The following ALKBH4 variants were observed in gnomAD, a reference collection of about 807,000 sequenced individuals.
ALKBH4 encodes the protein alkB homolog 4, lysine demethylase, also known as alpha-ketoglutarate-dependent dioxygenase alkB homolog 4.
ALKBH4 carries 8 observed loss-of-function variants against 12.1 expected under a neutral mutation model. That is an observed-to-expected ratio of 0.66 (90% CI 0.39 to 1.19). The LOEUF is 1.19. Ranked by LOEUF, ALKBH4 falls within the 50% of genes most tolerant of loss-of-function variation. The probability of loss-of-function intolerance (pLI) is 0.01; values close to 1 mark genes in which losing one functional copy is unlikely to be tolerated. For synonymous variants in ALKBH4, 195 were observed against 191.6 expected (o/e 1.02, Z -0.15); for missense variants, 403 against 430.4 (o/e 0.94, Z 0.56).
intron 1 of ALKBH4, among the ~76,000 whole-genome samples, chr7:102,464,160 C>T (rs1453621132): frequency 1.3e-5 from 2 of 152,184 alleles, no homozygotes. Context: ...TCCTTCCATG[C>T]CAGCCCAAAG....
chr7:102,463,585 C>T (rs766095347), intron 1 of ALKBH4, among the ~76,000 whole-genome samples: 1 of 152,200 alleles, frequency 6.6e-6, no homozygotes, highest in African/African-American at 2.4e-5. Context: ...CCACCTCAGC[C>T]TCCCAAAGTG....
chr7:102,457,212 G>A lies in ALKBH4; in HGVS notation c.*182C>T. 1.5e-6 allele frequency: 1 copy of A among 649,464 alleles called. No individual in the cohort carries two copies. Among genetic ancestry groups the A allele is most frequent in the Non-Finnish European group, 2.6e-6 (1 of 390,770 alleles). 40.2% of individuals were successfully genotyped at this position (649,464 alleles called of 1,614,324 possible). ...ACCAAAAAAGTGTGGCCACGGTCCA[G>A]GTGGAAGGGGGCTGCCTGGAGGTAC... On this transcript the variant is annotated 3_prime_UTR_variant, in exon 3 of 3. Transcript: ENST00000292566. The surrounding 1 kb of genome is among the most constrained non-coding windows in gnomAD (Gnocchi z 5.9).
At chr7:102,459,571 C>G in intron 2 of ALKBH4, 33 bp downstream of exon 2, 1 of 1,591,598 alleles carries the variant, frequency 6.3e-7, no homozygotes, top group Non-Finnish European at 8.6e-7. Flanking sequence ...TCAGCGCAGC[C>G]CAGCAACCCC....
intron 1 of ALKBH4, among the ~76,000 whole-genome samples, chr7:102,464,379 G>A (rs1418647002): frequency 6.6e-6 from 1 of 152,032 alleles, no homozygotes; most frequent in Non-Finnish European, 1.5e-5. Context: ...GGCACCGTTG[G>A]ACTGGTATTC....
rs555966568 is a variant in ALKBH4, at chr7:102,457,567, C to G, written c.736G>C (p.Gly246Arg). The change falls in exon 3 of 3, where the codon GGG (glycine) becomes CGG (arginine). Residue 246 changes from glycine to arginine, a missense_variant. Coordinates refer to ENST00000292566, the MANE Select transcript of ALKBH4 (RefSeq NM_017621.4). The surrounding 1 kb of genome is among the most constrained non-coding windows in gnomAD (Gnocchi z 5.9). ...LPARSLLVLT[G>R]AARHQWKHAI... ...TGCTTCCACTGGTGCCGTGCCGCCC[C>G]GGTGAGGACCAGCAGGGAGCGGGCG... 31 of 1,609,822 alleles carry G rather than the reference C, an allele frequency of 1.9e-5. No individual in the cohort carries two copies. The African/African-American group carries it at 3.5e-4, about 18-fold the overall frequency.
chr7:102,458,667 G>T (rs1013681566), intron 2 of ALKBH4, among the ~76,000 whole-genome samples: 3 of 151,582 alleles, frequency 2.0e-5, no homozygotes, highest in Non-Finnish European at 2.9e-5. Flanking sequence ...GAGCCTGGGG[G>T]GTCAAGGCTG....
intron 1 of ALKBH4, among the ~76,000 whole-genome samples, chr7:102,464,164 C>T (rs781642387): frequency 1.3e-5 from 2 of 152,168 alleles, no homozygotes; most frequent in Non-Finnish European, 1.5e-5. Context: ...TCCATGCCAG[C>T]CCAAAGGCGC....
At position 102,459,638 on chromosome 7, in the gene ALKBH4, G is replaced by A. The variant is rs760935990; in HGVS notation, c.287C>T (p.Pro96Leu). ...CCGTCCAGACTGGGAGAGCTTCCAG[G>A]GGTCACGGTCCATGAGCCGCACCAA... is the stretch of plus-strand genomic sequence containing the variant. ...AELVRLMDRDPWKLSQSGRRK... is the reference protein window; with the variant it reads ...AELVRLMDRDLWKLSQSGRRK... The change falls in exon 2 of 3, where the codon CCC becomes CTC. Residue 96 changes from proline to leucine, a missense_variant. Physicochemically the swap from Pro to Leu is moderately conservative, Grantham distance 98. Transcript: ENST00000292566. 1 of 1,614,140 alleles carries A rather than the reference G, an allele frequency of 6.2e-7. No individual in the cohort carries two copies. Among genetic ancestry groups the A allele is most frequent in the South Asian group, 1.1e-5 (1 of 91,082 alleles).
Position 102,457,254 on chromosome 7 carries a change from G to T in ALKBH4, c.*140C>A. ...TGGAGGTACGTTCCCATCAAAACCTGCTCCTGGGCAGGGCTCACACTGCTC... is the reference window on the plus strand; with the variant it reads ...TGGAGGTACGTTCCCATCAAAACCTTCTCCTGGGCAGGGCTCACACTGCTC... On this transcript the variant is annotated 3_prime_UTR_variant, in exon 3 of 3. Coordinates refer to ENST00000292566, the MANE Select transcript of ALKBH4 (RefSeq NM_017621.4). This position sits in a 1 kb window ranked among gnomAD's most constrained non-coding sequence, Gnocchi z 5.9. The T allele has an allele frequency of 1.0e-6, 1 of 994,558 alleles. No homozygotes were observed. Among genetic ancestry groups the T allele is most frequent in the Non-Finnish European group, 1.5e-6 (1 of 685,042 alleles). The allele number at this position is 994,558 out of a possible 1,614,324, so 61.6% of individuals were successfully genotyped here. A position where few individuals can be genotyped will look rare whatever the true frequency, so the allele number is the denominator to read the frequency against.
Position 102,464,758 on chromosome 7 carries a change from C to T in ALKBH4, c.79G>A (p.Glu27Lys). 6.4e-7 allele frequency: 1 copy of T among 1,572,312 alleles called. No homozygotes were observed. Among genetic ancestry groups the T allele is most frequent in the Non-Finnish European group, 8.6e-7 (1 of 1,162,290 alleles). ...GGCGGGTCACTGCCGCGCTGCCGCT[C>T]GCAGATCAGACAGGTCCGGATGCCC... Reference protein sequence around the residue: ...CKGIRTCLICERQRGSDPPWE... With the variant: ...CKGIRTCLICKRQRGSDPPWE... The change falls in exon 1 of 3, where the codon GAG (glutamate) becomes AAG (lysine). Residue 27 changes from glutamate to lysine, a missense_variant. Transcript: ENST00000292566.
rs1261471342 is a variant in ALKBH4, at chr7:102,457,761, ACCAGCCGCTCC to A, written c.531_541del (p.Glu178GlnfsTer95). On this transcript the variant is annotated frameshift_variant, in exon 3 of 3. Coordinates refer to ENST00000292566, the MANE Select transcript of ALKBH4 (RefSeq NM_017621.4). LOFTEE classifies it low-confidence loss of function (END_TRUNC). This position sits in a 1 kb window ranked among gnomAD's most constrained non-coding sequence, Gnocchi z 5.9. ...GGTGGGGGACAGGAGGTTGAGGCTG[ACCAGCCGCTCC>A]CCCCACAGCCAGGCGTCGTCCAGGT... is the stretch of plus-strand genomic sequence containing the variant. 1 of 1,587,494 alleles carries A rather than the reference ACCAGCCGCTCC, an allele frequency of 6.3e-7. No homozygotes were observed. The highest frequency in any genetic ancestry group is 1.7e-5 in the Admixed American group (1 of 58,316).
Position 102,464,830 on chromosome 7 carries a change from C to G in ALKBH4, c.7G>C (p.Ala3Pro). Residue 3 changes from alanine (A) to proline (P), a missense_variant, in exon 1 of 3, where the codon GCG becomes CCG. Ala to Pro is a conservative substitution (Grantham distance 27). Transcript: ENST00000292566. MA[A>P]AAAETPEVLR... ...ACTTCGGGGGTCTCGGCGGCAGCCG[C>G]CGCCATCGCGCCGTCCGCGTGGCCA... The G allele has an allele frequency of 6.6e-7, 1 of 1,519,952 alleles. No individual in the cohort carries two copies. Among genetic ancestry groups the G allele is most frequent in the Non-Finnish European group, 8.8e-7 (1 of 1,138,786 alleles). The allele number at this position is 1,519,952 out of a possible 1,614,324, so 94.2% of individuals were successfully genotyped here. A position where few individuals can be genotyped will look rare whatever the true frequency, so the allele number is the denominator to read the frequency against.
chr7:102,464,193 T>C (rs1797879266), intron 1 of ALKBH4, among the ~76,000 whole-genome samples: 1 of 152,296 alleles, frequency 6.6e-6, no homozygotes, highest in African/African-American at 2.4e-5. Flanking sequence ...TTTTCTTTTT[T>C]TATTTATTTT....
chr7:102,459,232 G>A (rs1430793756), intron 2 of ALKBH4, among the ~76,000 whole-genome samples: 2 of 151,994 alleles, frequency 1.3e-5, no homozygotes, highest in Non-Finnish European at 2.9e-5. Flanking sequence ...GTTGGAGGGA[G>A]CGGCGGGCCC....
intron 1 of ALKBH4, among the ~76,000 whole-genome samples, chr7:102,461,609 C>T (rs1472214871): frequency 1.3e-5 from 2 of 152,132 alleles, no homozygotes; most frequent in African/African-American, 2.4e-5. Flanking sequence ...GTGATCCTCC[C>T]GCCTTGGCCT....
chr7:102,463,764 G>C (rs914920509), intron 1 of ALKBH4, among the ~76,000 whole-genome samples: 8 of 152,192 alleles, frequency 5.3e-5, no homozygotes, highest in African/African-American at 1.9e-4. Context: ...CCCAGAAGCA[G>C]GATTGCGGAT....
Position 102,456,996 on chromosome 7 carries a change from T to G in ALKBH4, c.*398A>C. On this transcript the variant is annotated 3_prime_UTR_variant, in exon 3 of 3. Transcript: ENST00000292566. ...GCTGTGAGTCACCACACCCGGCTAATTTTTGTAGTTTTTGTAGAGACGGGT... is the reference window on the plus strand; with the variant it reads ...GCTGTGAGTCACCACACCCGGCTAAGTTTTGTAGTTTTTGTAGAGACGGGT... The G allele has an allele frequency of 6.3e-6, 1 of 157,858 alleles. No individual in the cohort carries two copies. Among genetic ancestry groups the G allele is most frequent in the Non-Finnish European group, 1.4e-5 (1 of 71,908 alleles). The allele number at this position is 157,858 out of a possible 1,614,324, so 9.8% of individuals were successfully genotyped here.
chr7:102,459,796 T>C lies in ALKBH4; in HGVS notation c.129A>G (p.Thr43=). The change falls in exon 2 of 3, where the codon ACA becomes ACG. Residue 43 remains threonine (T), a synonymous_variant. Coordinates refer to ENST00000292566, the MANE Select transcript of ALKBH4 (RefSeq NM_017621.4). ...TGTCGGAGCAGTAAATGAAACGGTA[T>C]GTTTTCTGCAAAAGAAACACAAGTC... ...DPPWELPPAK[T]YRFIYCSDTG... is the part of the protein sequence containing the mutation. 2 of 1,594,316 alleles carry C rather than the reference T, an allele frequency of 1.3e-6. No individual in the cohort carries two copies. The highest frequency in any genetic ancestry group is 1.7e-6 in the Non-Finnish European group (2 of 1,169,956).
chr7:102,458,653 G>A (rs567814719), intron 2 of ALKBH4, among the ~76,000 whole-genome samples: 9 of 151,226 alleles, frequency 6.0e-5, no homozygotes, highest in African/African-American at 9.7e-5. Flanking sequence ...TAGGAGGATC[G>A]CTAGAGCCTG....
Sources: allele counts gnomAD v4.1 joint callset (sites outside exome capture counted in the v4.1 genomes callset), GRCh38; gene constraint gnomAD v4.1.1; non-coding constraint Gnocchi (gnomAD v3.1); transcripts MANE v1.5; gene names NCBI Gene and HGNC (gene_info 2026-07-23, HGNC 2026-07-21).